Variants in CTNNBIP1 observed in about 807,000 individuals in gnomAD.
The protein encoded by CTNNBIP1 is beta-catenin-interacting protein 1.
A neutral mutation model predicts 11.8 loss-of-function variants in CTNNBIP1; 7 were observed. The observed-to-expected ratio is 0.60, with a 90% confidence interval of 0.34 to 1.12. The LOEUF (loss-of-function observed/expected upper bound fraction) is 1.12. Ranked by LOEUF, CTNNBIP1 falls within the 50% of genes most tolerant of loss-of-function variation. The pLI, the probability that CTNNBIP1 is intolerant of heterozygous loss-of-function variation, is 0.03. For synonymous variants in CTNNBIP1, 58 were observed against 43.9 expected, an observed-to-expected ratio of 1.32 and a Z score of -1.26; for missense variants, 101 against 113.4, an observed-to-expected ratio of 0.89 and a Z score of 0.50.
intron 1 of CTNNBIP1, among the ~76,000 whole-genome samples, chr1:9,886,667 A>C (rs1306537303): frequency 6.6e-6 from 1 of 152,222 alleles, no homozygotes; most frequent in Non-Finnish European, 1.5e-5. Context: ...AGATTGTTCA[A>C]GGTCTCAACC....
In CTNNBIP1 at chr1:9,851,383, G is replaced by T. The variant is rs1481815764; in HGVS notation, c.188-607C>A. Among the ~76,000 whole-genome samples, 1 of 147,484 alleles carries T rather than the reference G, an allele frequency of 6.8e-6. No homozygotes were observed. The highest frequency in any genetic ancestry group is 2.6e-5 in the African/African-American group (1 of 38,144). On this transcript the variant is annotated intron_variant, in intron 5 of 5. Coordinates refer to ENST00000377263, the MANE Select transcript of CTNNBIP1 (RefSeq NM_020248.3). The surrounding 1 kb of genome is among the most constrained non-coding windows in gnomAD (Gnocchi z 4.8). ...TTTTTCCTTTTTCTTTCTTTTTTTT[G>T]TGTGTGATATGGAGTCTTGCTCTAT...
intron 1 of CTNNBIP1, among the ~76,000 whole-genome samples, chr1:9,884,265 G>A (rs1199007163): frequency 6.6e-6 from 1 of 152,164 alleles, no homozygotes; most frequent in Non-Finnish European, 1.5e-5. Context: ...CCACAGCAGG[G>A]AGGGAGAGAT....
chr1:9,876,498 A>G (rs1396491914), intron 3 of CTNNBIP1, among the ~76,000 whole-genome samples: 2 of 152,116 alleles, frequency 1.3e-5, no homozygotes, highest in Admixed American at 6.5e-5. Context: ...GACACCTGTA[A>G]TCCCAGCTAC....
At chr1:9,852,601 G>C (rs567779363) in intron 5 of CTNNBIP1, among the ~76,000 whole-genome samples, 9 of 152,324 alleles carry the variant, frequency 5.9e-5, no homozygotes, top group Non-Finnish European at 1.2e-4. Flanking sequence ...CAGAATCCAA[G>C]ATTACATCAT....
At chr1:9,880,528 G>C (rs529763097) in intron 2 of CTNNBIP1, among the ~76,000 whole-genome samples, 1 of 152,256 alleles carries the variant, frequency 6.6e-6, no homozygotes, top group African/African-American at 2.4e-5. Flanking sequence ...GGTATTTCTG[G>C]TTCTAGATCC....
In CTNNBIP1 at chr1:9,857,509, G is replaced by T. The variant is rs545536053; in HGVS notation, c.188-6733C>A. Reference sequence around the variant, plus strand: ...CTGTCTCAAAAAAAAAAAAAAAAAGGCCAGGCACAGTGGCTCACGCCTGTA... The same window carrying T: ...CTGTCTCAAAAAAAAAAAAAAAAAGTCCAGGCACAGTGGCTCACGCCTGTA... On this transcript the variant is annotated intron_variant, in intron 5 of 5. Transcript: ENST00000377263. Among the ~76,000 whole-genome samples the T allele has an allele frequency of 4.5e-4, 68 of 149,884 alleles. 1 individual carries two copies. Among genetic ancestry groups the T allele is most frequent in the Middle Eastern group, 3.6e-3 (1 of 276 alleles).
rs138049942 is a variant in CTNNBIP1, at chr1:9,874,919, A to G, written c.-24-2831T>C. Among the ~76,000 whole-genome samples, 35 of 152,306 alleles carry G rather than the reference A, an allele frequency of 2.3e-4. 1 individual carries two copies. In the East Asian group the frequency reaches 6.7e-3, roughly 29 times the overall value. On this transcript the variant is annotated intron_variant, in intron 3 of 5. Transcript: ENST00000377263. ...CAAAGAACATCTGAAATGCTCCGTA[A>G]AGCCTTTGAGCTGGGAGTTAGGGCT...
intron 5 of CTNNBIP1, among the ~76,000 whole-genome samples, chr1:9,862,086 T>C (rs1298940053): frequency 6.6e-6 from 1 of 151,150 alleles, no homozygotes; most frequent in African/African-American, 2.4e-5. Flanking sequence ...CTTTGTGATA[T>C]GTCTTCCCAG....
At chr1:9,880,877 T>C (rs184949234) in intron 2 of CTNNBIP1, among the ~76,000 whole-genome samples, 22 of 152,284 alleles carry the variant, frequency 1.4e-4, no homozygotes, top group African/African-American at 4.8e-4. Context: ...TTTCACCACC[T>C]GTAGAAAGGA....
chr1:9,863,660 C>T (rs1441236794), intron 5 of CTNNBIP1, among the ~76,000 whole-genome samples: 1 of 152,218 alleles, frequency 6.6e-6, no homozygotes, highest in East Asian at 1.9e-4. Context: ...CGGCACAGAC[C>T]CTGGTCCCGA....
rs1259931230 is a variant in CTNNBIP1 at position 9,877,891 on chromosome 1, C to T, written c.-25+14G>A. 1.3e-5 allele frequency: 2 copies of T among 152,804 alleles called. No individual in the cohort carries two copies. The highest frequency in any genetic ancestry group is 2.4e-5 in the African/African-American group (1 of 41,462). 9.5% of individuals were successfully genotyped at this position (152,804 alleles called of 1,614,324 possible). On this transcript the variant is annotated intron_variant, in intron 3 of 5. Transcript: ENST00000377263. ...TATGGCCACATTACAGAGTCCTTCC[C>T]CTGGGGGCCTTACCTGCTTCTGGAA...
At chr1:9,866,426 G>A (rs567643703) in intron 5 of CTNNBIP1, among the ~76,000 whole-genome samples, 1 of 152,292 alleles carries the variant, frequency 6.6e-6, no homozygotes, top group East Asian at 1.9e-4. Flanking sequence ...GGGCATGGTG[G>A]CTCCCGCCTG....
chr1:9,854,447 C>G (rs889846098), intron 5 of CTNNBIP1, among the ~76,000 whole-genome samples: 5 of 151,588 alleles, frequency 3.3e-5, no homozygotes, highest in African/African-American at 1.2e-4. Context: ...ATGAAAATCC[C>G]ACAGCTCTTA....
chr1:9,900,476 C>T (rs2101542876), intron 1 of CTNNBIP1, among the ~76,000 whole-genome samples: 1 of 152,330 alleles, frequency 6.6e-6, no homozygotes, highest in Admixed American at 6.5e-5. Context: ...GTGCCTGACG[C>T]TAAGCACTTC....
chr1:9,882,446 G>A (rs1639102845), intron 2 of CTNNBIP1, among the ~76,000 whole-genome samples: 1 of 152,214 alleles, frequency 6.6e-6, no homozygotes, highest in African/African-American at 2.4e-5. Flanking sequence ...GCGGCTGGGA[G>A]CCTGGAGGAG....
chr1:9,877,740 C>G (rs747140250), intron 3 of CTNNBIP1, among the ~76,000 whole-genome samples, 165 bp downstream of exon 3: 2 of 148,332 alleles, frequency 1.3e-5, no homozygotes, highest in Non-Finnish European at 2.9e-5. Flanking sequence ...TCCAGAAGAC[C>G]CAACACATCT....
chr1:9,902,092 C>T (rs1639533065), intron 1 of CTNNBIP1, among the ~76,000 whole-genome samples: 1 of 152,122 alleles, frequency 6.6e-6, no homozygotes. Flanking sequence ...AAGAAAGAAC[C>T]CTGCCCCCAC....
intron 2 of CTNNBIP1, among the ~76,000 whole-genome samples, chr1:9,879,969 T>C (rs989368800): frequency 2.6e-5 from 4 of 152,228 alleles, no homozygotes; most frequent in African/African-American, 9.7e-5. Flanking sequence ...AAAATATTTA[T>C]TTATTTTTTA....
intron 1 of CTNNBIP1, among the ~76,000 whole-genome samples, chr1:9,903,881 G>A (rs945161183): frequency 2.6e-5 from 4 of 152,090 alleles, no homozygotes; most frequent in Non-Finnish European, 5.9e-5. Flanking sequence ...TATATGACAT[G>A]GTGCTCAGAG....
Sources: gnomAD v4.1 joint callset for allele counts (sites outside exome capture counted in the v4.1 genomes callset) on GRCh38, gnomAD v4.1.1 for gene constraint, Gnocchi (gnomAD v3.1) non-coding constraint, MANE v1.5 for transcripts, NCBI Gene and HGNC (gene_info 2026-07-23, HGNC 2026-07-21) for gene names.